SNX12: variants seen among roughly 807,000 people sequenced by gnomAD.
SNX12 encodes the protein sorting nexin-12.
For missense variants in SNX12, 62 were observed against 141.3 expected (o/e 0.44, Z 2.84); for synonymous variants, 47 against 56.0 (o/e 0.84, Z 0.71).
upstream of SNX12, among the ~76,000 whole-genome samples, chrX:71,072,289 A>G (rs1299193671): frequency 9.2e-6 from 1 of 108,811 alleles, no homozygotes; most frequent in Non-Finnish European, 1.9e-5. Flanking sequence ...CTCGTGAAGG[A>G]GATCAGGAAG....
chrX:71,068,192 T>A lies in SNX12; in HGVS notation c.115A>T (p.Thr39Ser). ...AAGCGCGCGCGTCCCACGCCCACCG[T>A]CTGAGGATTAAAGATGTCGATCTCC... ...FLEIDIFNPQ[T>S]VGVGRARFTT... Residue 39 changes from threonine (T) to serine (S), a missense_variant, in exon 1 of 4, where the codon ACG becomes TCG. Thr to Ser is a moderately conservative substitution (Grantham distance 58). Coordinates refer to ENST00000374274, the MANE Select transcript of SNX12 (RefSeq NM_013346.4). 1 of 1,208,816 alleles carries A rather than the reference T, an allele frequency of 8.3e-7. No individual in the cohort carries two copies. The highest frequency in any genetic ancestry group is 1.1e-6 in the Non-Finnish European group (1 of 894,543).
upstream of SNX12, chrX:71,068,427 G>C (rs750046912): frequency 6.2e-4 from 358 of 577,969 alleles, no homozygotes; most frequent in African/African-American, 4.5e-3. Flanking sequence ...GCGGCGGCGC[G>C]CACGCGCGCC....
At chrX:71,066,556 C>T (rs751200131) in intron 1 of SNX12, among the ~76,000 whole-genome samples, 13 of 99,318 alleles carry the variant, frequency 1.3e-4, no homozygotes, top group Non-Finnish European at 2.6e-4. Flanking sequence ...CACCATTGCA[C>T]GGCAGCCTGG....
chrX:71,071,615 T>A (rs2092173502), upstream of SNX12, among the ~76,000 whole-genome samples: 4 of 62,423 alleles, frequency 6.4e-5, no homozygotes, highest in African/African-American at 2.8e-4. Context: ...TATATATAAA[T>A]ATATAATATT....
chrX:71,065,979 GA>G (rs746820864), intron 1 of SNX12, among the ~76,000 whole-genome samples: 28 of 99,585 alleles, frequency 2.8e-4, no homozygotes, highest in Non-Finnish European at 2.2e-4. Context: ...ACTCTGTCTC[GA>G]AAAAAAAAAA....
chrX:71,063,636 A>G (rs1470057598), intron 1 of SNX12, among the ~76,000 whole-genome samples: 2 of 111,382 alleles, frequency 1.8e-5, no homozygotes, highest in Admixed American at 1.9e-4. Context: ...TGTGAAAGCC[A>G]GGTGCAGTGG....
upstream of SNX12, among the ~76,000 whole-genome samples, chrX:71,070,941 T>C (rs1229154287): frequency 9.0e-6 from 1 of 111,523 alleles, no homozygotes; most frequent in East Asian, 2.8e-4. Flanking sequence ...GTATTTTTTA[T>C]TTTTAATGTT....
chrX:71,071,599 A>G (rs2092173219), upstream of SNX12, among the ~76,000 whole-genome samples: 8 of 60,444 alleles, frequency 1.3e-4, no homozygotes, highest in South Asian at 4.5e-3. Flanking sequence ...TAATATTTAT[A>G]TATATTATAT....
intron 2 of SNX12, 96 bp from the exon 3 acceptor site, chrX:71,062,063 G>T: frequency 1.2e-6 from 1 of 831,994 alleles, no homozygotes; most frequent in Non-Finnish European, 1.7e-6. Flanking sequence ...TTAGGCATAG[G>T]GTCCATCCTG....
At chrX:71,070,348 G>A (rs774021268), upstream of SNX12, among the ~76,000 whole-genome samples, 6 of 112,020 alleles carry the variant, frequency 5.4e-5, no homozygotes, top group Admixed American at 3.8e-4. Flanking sequence ...ACAATGGAGA[G>A]GAGGGAAGAG....
At chrX:71,065,719 A>C (rs1602271768) in intron 1 of SNX12, among the ~76,000 whole-genome samples, 2 of 108,085 alleles carry the variant, frequency 1.9e-5, no homozygotes, top group South Asian at 8.0e-4. Context: ...CAGAAGAATC[A>C]CTTGAACCCG....
chrX:71,064,886 T>C (rs1858159717), intron 1 of SNX12, among the ~76,000 whole-genome samples: 1 of 112,805 alleles, frequency 8.9e-6, no homozygotes, highest in Non-Finnish European at 1.9e-5. Flanking sequence ...CACTACATCA[T>C]GCTTTGTACT....
At chrX:71,071,985 C>T (rs756517119), upstream of SNX12, among the ~76,000 whole-genome samples, 184 of 110,053 alleles carry the variant, frequency 1.7e-3, 1 homozygote, top group Middle Eastern at 4.7e-3. Flanking sequence ...GGGCCGGGCA[C>T]GGTGGCTCAC....
intron 2 of SNX12, 120 bp downstream of exon 2, chrX:71,062,734 G>A (rs2092136822): frequency 2.1e-6 from 1 of 482,679 alleles, no homozygotes; most frequent in Admixed American, 3.0e-5. Context: ...GAGATTTGAT[G>A]GATAAGAATG....
At chrX:71,067,005 C>T (rs768507329) in intron 1 of SNX12, among the ~76,000 whole-genome samples, 6 of 112,529 alleles carry the variant, frequency 5.3e-5, no homozygotes, top group Admixed American at 9.5e-5. Context: ...AAAGCACATA[C>T]ACTCTTTTAG....
At chrX:71,068,815 A>C (rs2092164867), upstream of SNX12, among the ~76,000 whole-genome samples, 1 of 112,112 alleles carries the variant, frequency 8.9e-6, no homozygotes, top group South Asian at 3.7e-4. Context: ...GAGAACCTAT[A>C]ACGTAGCCGT....
chrX:71,067,492 C>T lies in SNX12; in HGVS notation c.165+650G>A, dbSNP rs760084374. Among the ~76,000 whole-genome samples, 3 of 112,254 alleles carry T rather than the reference C, an allele frequency of 2.7e-5. No homozygotes were observed. In the East Asian group the frequency reaches 8.3e-4, roughly 31 times the overall value. ...GGCCAGGTTTCAAGGCGAGACAGCA[C>T]GTAGTATCTGCGAAAACTTAAGCAT... On this transcript the variant is annotated intron_variant, in intron 1 of 3. Transcript: ENST00000374274.
chrX:71,065,125 C>T (rs1426642375), intron 1 of SNX12, among the ~76,000 whole-genome samples: 1 of 112,156 alleles, frequency 8.9e-6, no homozygotes, highest in East Asian at 2.8e-4. Flanking sequence ...AATCCCAGCA[C>T]TTTGGGAGGC....
chrX:71,066,591 TA>T (rs34509177), intron 1 of SNX12, among the ~76,000 whole-genome samples: 3,324 of 73,975 alleles, frequency 0.045, 188 homozygotes, highest in African/African-American at 0.15. Flanking sequence ...CTCCATCTCT[TA>T]AAAAAAAAAA....
Sources: gnomAD v4.1 joint callset for allele counts (sites outside exome capture counted in the v4.1 genomes callset) on GRCh38, gnomAD v4.1.1 for gene constraint, MANE v1.5 for transcripts, NCBI Gene and HGNC (gene_info 2026-07-23, HGNC 2026-07-21) for gene names.